The following TACC2 variants were observed in gnomAD, a reference collection of about 807,000 sequenced individuals.
TACC2 encodes transforming acidic coiled-coil containing protein 2, also known as transforming acidic coiled-coil-containing protein 2.
Under a neutral mutation model 227.3 loss-of-function variants are expected in TACC2, and 137 were observed. The observed-to-expected ratio is 0.60, with a 90% confidence interval of 0.52 to 0.69. TACC2 has a LOEUF of 0.69. Ranked by LOEUF, TACC2 falls within the 30% of genes least tolerant of loss-of-function variation. The pLI is 0.00. For missense variants in TACC2, 3,470 were observed against 3,694.4 expected (o/e 0.94, Z 1.57); for synonymous variants, 1,523 against 1,487.5 (o/e 1.02, Z -0.55).
At chr10:122,243,277 G>C (rs2096044648) in intron 19 of TACC2, among the ~76,000 whole-genome samples, 1 of 152,086 alleles carries the variant, frequency 6.6e-6, no homozygotes, top group African/African-American at 2.4e-5. Flanking sequence ...AAGGATATAT[G>C]GAGTAAAAAC....
At chr10:122,046,212 C>A (rs374371537) in intron 2 of TACC2, among the ~76,000 whole-genome samples, 1 of 148,160 alleles carries the variant, frequency 6.7e-6, no homozygotes, top group Admixed American at 6.7e-5. Flanking sequence ...TGGTGGCTCA[C>A]GCCTGTAATC....
rs573594566 is a variant in TACC2 at position 122,025,097 on chromosome 10, A to G, written c.33+3083A>G. Among the ~76,000 whole-genome samples, 11 of 152,236 alleles carry G rather than the reference A, an allele frequency of 7.2e-5. No individual in the cohort carries two copies. The East Asian group carries it at 1.9e-3, about 27-fold the overall frequency. On this transcript the variant is annotated intron_variant, in intron 2 of 22. Transcript: ENST00000369005. ...GGTGGTGTCACTTTTTGGTGTTGCT[A>G]TTCTGATAGGTGTGTTGTAATATTT...
intron 7 of TACC2, among the ~76,000 whole-genome samples, chr10:122,146,131 T>C (rs2091343291): frequency 6.6e-6 from 1 of 152,110 alleles, no homozygotes; most frequent in Admixed American, 6.5e-5. Context: ...CCTCACTTAG[T>C]CTGGGTAGCT....
intron 1 of TACC2, among the ~76,000 whole-genome samples, chr10:122,010,100 G>A (rs964918131): frequency 2.0e-4 from 30 of 152,208 alleles, no homozygotes; most frequent in African/African-American, 7.0e-4. Flanking sequence ...TGACATGTGT[G>A]TCATCAGGAA....
chr10:122,042,857 G>A (rs896168544), intron 2 of TACC2, among the ~76,000 whole-genome samples: 1 of 152,154 alleles, frequency 6.6e-6, no homozygotes, highest in African/African-American at 2.4e-5. Context: ...GAAAATGAGT[G>A]GATACAGGGA....
At chr10:122,043,017 A>G (rs977111018) in intron 2 of TACC2, among the ~76,000 whole-genome samples, 2 of 152,342 alleles carry the variant, frequency 1.3e-5, no homozygotes, top group African/African-American at 4.8e-5. Context: ...TTTACAAGGC[A>G]TTCCTATCAC....
chr10:122,215,988 C>G (rs113006245), intron 10 of TACC2, among the ~76,000 whole-genome samples: 1 of 152,288 alleles, frequency 6.6e-6, no homozygotes, highest in African/African-American at 2.4e-5. Context: ...TATCGTCAAG[C>G]CTGTCAGTAT....
In TACC2 at chr10:122,086,956, C is replaced by T. The variant is rs773065628; in HGVS notation, c.4456C>T (p.His1486Tyr). The change falls in exon 4 of 23, where the codon CAT (histidine) becomes TAT (tyrosine). Residue 1486 changes from histidine to tyrosine, a missense_variant. His to Tyr is a moderately conservative substitution (Grantham distance 83). Around this residue, in one of 10 missense-constraint regions of TACC2, gnomAD observed 1,924 missense variants for 1,978.3 expected, o/e 0.97. Transcript: ENST00000369005. ...GTTGGCTGGAGAGGCTGAGATTTCC[C>T]ATCTGGCTCTGCAAGATCCAGCTTC... Reference protein sequence around the residue: ...QQLAGEAEISHLALQDPASDK... With the variant: ...QQLAGEAEISYLALQDPASDK... The T allele has an allele frequency of 1.1e-5, 17 of 1,613,994 alleles. No individual in the cohort carries two copies. Among genetic ancestry groups the T allele is most frequent in the East Asian group, 6.7e-5 (3 of 44,882 alleles).
chr10:122,233,954 G>C (rs1485805530), intron 16 of TACC2, among the ~76,000 whole-genome samples: 1 of 152,220 alleles, frequency 6.6e-6, no homozygotes, highest in South Asian at 2.1e-4. Flanking sequence ...TCTCCTGCGC[G>C]GGTGGCGGCA....
At chr10:122,144,998 A>AG (rs2091178833) in intron 7 of TACC2, among the ~76,000 whole-genome samples, 1 of 152,142 alleles carries the variant, frequency 6.6e-6, no homozygotes, top group Admixed American at 6.5e-5. Flanking sequence ...GAGGTTGGGG[A>AG]GCAGGAACAT....
At chr10:122,012,068 T>G (rs1036068340) in intron 1 of TACC2, among the ~76,000 whole-genome samples, 5 of 151,970 alleles carry the variant, frequency 3.3e-5, no homozygotes, top group African/African-American at 1.2e-4. Flanking sequence ...CTCCCAAGTT[T>G]CTGGAACTAC....
chr10:121,999,718 G>A (rs1347500964), intron 1 of TACC2, among the ~76,000 whole-genome samples: 1 of 152,222 alleles, frequency 6.6e-6, no homozygotes, highest in Non-Finnish European at 1.5e-5. Flanking sequence ...GGTCCAACAG[G>A]TGTGGAGGGA....
At chr10:122,160,930 C>T (rs772399076) in intron 7 of TACC2, among the ~76,000 whole-genome samples, 2 of 152,100 alleles carry the variant, frequency 1.3e-5, no homozygotes, top group African/African-American at 2.4e-5. Flanking sequence ...TGCCCACATT[C>T]TATTTGTTTC....
intron 7 of TACC2, among the ~76,000 whole-genome samples, chr10:122,179,413 A>G (rs765698142): frequency 9.2e-5 from 14 of 152,342 alleles, no homozygotes; most frequent in East Asian, 5.8e-4. Context: ...AAAAGCTATT[A>G]TCTTCCTGGT....
intron 11 of TACC2, among the ~76,000 whole-genome samples, chr10:122,220,918 A>G (rs2095511642): frequency 6.6e-6 from 1 of 152,208 alleles, no homozygotes. Flanking sequence ...TCCTGGCACA[A>G]ATCCGTGGAG....
chr10:122,096,802 C>G (rs1363891331), intron 5 of TACC2, among the ~76,000 whole-genome samples: 2 of 152,070 alleles, frequency 1.3e-5, no homozygotes, highest in Non-Finnish European at 2.9e-5. Flanking sequence ...GTCCCGAAAA[C>G]CTGGCAGGAT....
In TACC2 at chr10:122,021,493, T is replaced by A. The variant is rs531970730; in HGVS notation, c.-45-444T>A. Among the ~76,000 whole-genome samples the A allele has an allele frequency of 3.3e-5, 5 of 152,328 alleles. No individual in the cohort carries two copies. In the East Asian group the frequency reaches 9.7e-4, roughly 29 times the overall value. ...GAGCAGTGGATTTCACACCTCCTGA[T>A]GTCTGACACCGAGCTCTGCCGTCAC... On this transcript the variant is annotated intron_variant, in intron 1 of 22. Transcript: ENST00000369005.
chr10:122,248,512 C>T, intron 19 of TACC2, 131 bp from the exon 20 acceptor site: 1 of 1,110,880 alleles, frequency 9.0e-7, no homozygotes, highest in Non-Finnish European at 1.3e-6. Context: ...GTGGGTTCGT[C>T]CCAAGGAAAA....
At chr10:122,239,702 G>C (rs79870128) in intron 18 of TACC2, among the ~76,000 whole-genome samples, 2 of 152,126 alleles carry the variant, frequency 1.3e-5, no homozygotes, top group South Asian at 4.1e-4. Flanking sequence ...CTTATTCGTG[G>C]TTTGAGAAGT....
Sources: allele counts gnomAD v4.1 joint callset (sites outside exome capture counted in the v4.1 genomes callset), GRCh38; gene constraint gnomAD v4.1.1; regional missense constraint gnomAD v4.1.1; transcripts MANE v1.5; gene names NCBI Gene and HGNC (gene_info 2026-07-23, HGNC 2026-07-21).